Variants in RAB19 observed in about 807,000 individuals in gnomAD.
RAB19 encodes ras-related protein Rab-19.
RAB19 carries 21 observed loss-of-function variants against 17.3 expected under a neutral mutation model. The ratio of observed to expected loss-of-function variants is 1.21; its 90% CI spans 0.86 to 1.74. The LOEUF is 1.74. RAB19 is among the 40% of genes most tolerant of loss of function. RAB19 has a pLI of 0.00. For missense variants in RAB19, 277 were observed against 286.8 expected, an observed-to-expected ratio of 0.97 and a Z score of 0.25; for synonymous variants, 126 against 110.4, an observed-to-expected ratio of 1.14 and a Z score of -0.88.
At chr7:140,409,467 G>C (rs561108836) in intron 2 of RAB19, among the ~76,000 whole-genome samples, 1 of 152,154 alleles carries the variant, frequency 6.6e-6, no homozygotes, top group South Asian at 2.1e-4. Context: ...GGCCGAGGCA[G>C]GCGGATCACC....
rs146818503 is a variant in RAB19 at position 140,427,905 on chromosome 7, A to AC, written c.*1758dup. On this transcript the variant is annotated 3_prime_UTR_variant, in exon 4 of 4. Transcript: ENST00000537763. ...ATGCCTGGCACAATTTCTTTCTAGA[A>AC]CCCAAATCATCTGCCAGATCAGAAG... Among the ~76,000 whole-genome samples the AC allele has an allele frequency of 0.021, 3,171 of 152,166 alleles. 103 individuals carry two copies. The highest frequency in any genetic ancestry group is 0.072 in the African/African-American group (2,985 of 41,502).
At chr7:140,405,369 T>C (rs1241258685) in intron 1 of RAB19, among the ~76,000 whole-genome samples, 3 of 151,982 alleles carry the variant, frequency 2.0e-5, no homozygotes, top group Non-Finnish European at 1.5e-5. Context: ...TACAGGTGCA[T>C]GCCACCACGC....
chr7:140,424,615 CTCTCTATATATA>C (rs1238640989), intron 3 of RAB19, among the ~76,000 whole-genome samples: 2 of 72,456 alleles, frequency 2.8e-5, no homozygotes, highest in East Asian at 9.4e-4. Flanking sequence ...CTCTCTCTCT[CTCTCTATATATA>C]TATATATATA....
In RAB19 at chr7:140,426,123, A is replaced by T. The variant is rs748779977; in HGVS notation, c.627A>T (p.Pro209=). The T allele has an allele frequency of 6.2e-7, 1 of 1,613,982 alleles. No individual in the cohort carries two copies. Among genetic ancestry groups the T allele is most frequent in the Non-Finnish European group, 8.5e-7 (1 of 1,179,954 alleles). Residue 209 remains proline, a synonymous_variant, in exon 4 of 4, where the codon CCA becomes CCT. Coordinates refer to ENST00000537763, the MANE Select transcript of RAB19 (RefSeq NM_001008749.3). ...GCCCCGTTCTTATGGCCCAGGGTCC[A>T]AGTGAAAAGACCCACTGCACTTGCT... ...DSSPVLMAQG[P]SEKTHCTC
chr7:140,418,396 CAA>C (rs140238398), intron 3 of RAB19, among the ~76,000 whole-genome samples: 102 of 70,350 alleles, frequency 1.4e-3, no homozygotes, highest in African/African-American at 3.3e-3. Context: ...TGCTAAAATA[CAA>C]AAAAAAAAAA....
At position 140,427,956 on chromosome 7, in the gene RAB19, G is replaced by A. The variant is rs1428993317; in HGVS notation, c.*1806G>A. On this transcript the variant is annotated 3_prime_UTR_variant, in exon 4 of 4. Coordinates refer to ENST00000537763, the MANE Select transcript of RAB19 (RefSeq NM_001008749.3). ...TCATTTTTAAATTAAAATTAAATTG[G>A]TTCATAGATGAATATCAAGCCAGTG... Among the ~76,000 whole-genome samples the A allele has an allele frequency of 1.3e-5, 2 of 152,068 alleles. No individual in the cohort carries two copies. The highest frequency in any genetic ancestry group is 2.4e-5 in the African/African-American group (1 of 41,406).
At chr7:140,410,316 T>TTTC (rs1799332691) in intron 2 of RAB19, among the ~76,000 whole-genome samples, 1 of 117,280 alleles carries the variant, frequency 8.5e-6, no homozygotes, top group Non-Finnish European at 1.8e-5. Context: ...TATTTTTCTT[T>TTTC]TTTTTTTTTT....
At chr7:140,413,480 G>A (rs1450153434) in intron 3 of RAB19, among the ~76,000 whole-genome samples, 1 of 152,058 alleles carries the variant, frequency 6.6e-6, no homozygotes, top group African/African-American at 2.4e-5. Flanking sequence ...AAGCTGAGGC[G>A]GGAGGATAGC....
intron 2 of RAB19, 40 bp downstream of exon 2, chr7:140,407,887 T>A: frequency 3.5e-6 from 3 of 846,664 alleles, no homozygotes; most frequent in South Asian, 1.7e-5. Context: ...CACCTTTTTT[T>A]TTTTTTTTTT....
intron 3 of RAB19, among the ~76,000 whole-genome samples, chr7:140,420,026 T>C (rs1476569279): frequency 2.8e-4 from 43 of 152,172 alleles, no homozygotes; most frequent in Admixed American, 2.8e-3. Flanking sequence ...CTTCTGAAAA[T>C]GAGTCTGTGT....
intron 2 of RAB19, among the ~76,000 whole-genome samples, chr7:140,408,480 G>A (rs1260719879): frequency 6.6e-6 from 1 of 151,524 alleles, no homozygotes; most frequent in Non-Finnish European, 1.5e-5. Flanking sequence ...TTTTGTTTTT[G>A]TTTTTGTTTT....
At chr7:140,405,887 T>C (rs910848061) in intron 1 of RAB19, among the ~76,000 whole-genome samples, 1 of 152,302 alleles carries the variant, frequency 6.6e-6, no homozygotes, top group Non-Finnish European at 1.5e-5. Context: ...AATATATTTT[T>C]TCAATGATAT....
At chr7:140,421,692 G>A (rs961676944) in intron 3 of RAB19, among the ~76,000 whole-genome samples, 4 of 152,040 alleles carry the variant, frequency 2.6e-5, no homozygotes, top group African/African-American at 9.7e-5. Context: ...TAGAGATGGG[G>A]TCTTGCTGTA....
chr7:140,423,282 A>G (rs1460235554), intron 3 of RAB19, among the ~76,000 whole-genome samples: 1 of 152,056 alleles, frequency 6.6e-6, no homozygotes, highest in African/African-American at 2.4e-5. Context: ...TCTACTAAAA[A>G]TACAAAAATT....
At chr7:140,425,026 T>C (rs10244642) in intron 3 of RAB19, among the ~76,000 whole-genome samples, 28,443 of 152,020 alleles carry the variant, frequency 0.19, 3,754 homozygotes, top group African/African-American at 0.38. Flanking sequence ...TGGTTCATGC[T>C]TACAATCCCA....
At chr7:140,419,255 A>T (rs936086739) in intron 3 of RAB19, among the ~76,000 whole-genome samples, 20 of 152,030 alleles carry the variant, frequency 1.3e-4, no homozygotes, top group African/African-American at 4.8e-4. Flanking sequence ...TTTTTAGTAC[A>T]GATGCGTTTT....
chr7:140,412,812 A>G (rs1018992722), intron 3 of RAB19, among the ~76,000 whole-genome samples: 6 of 151,598 alleles, frequency 4.0e-5, no homozygotes, highest in Non-Finnish European at 8.8e-5. Flanking sequence ...CTAAGTGTTT[A>G]CCAATAATTT....
intron 3 of RAB19, among the ~76,000 whole-genome samples, chr7:140,423,599 G>A (rs1260258293): frequency 6.6e-6 from 1 of 152,132 alleles, no homozygotes; most frequent in Non-Finnish European, 1.5e-5. Flanking sequence ...AATCTCAAAA[G>A]GTTACATATA....
intron 2 of RAB19, among the ~76,000 whole-genome samples, chr7:140,409,053 C>G (rs1252669951): frequency 6.6e-6 from 1 of 151,512 alleles, no homozygotes; most frequent in Non-Finnish European, 1.5e-5. Flanking sequence ...AGCCACCAAA[C>G]CTGGCCTTAA....
Sources: allele counts gnomAD v4.1 joint callset (sites outside exome capture counted in the v4.1 genomes callset), GRCh38; gene constraint gnomAD v4.1.1; transcripts MANE v1.5; gene names NCBI Gene and HGNC (gene_info 2026-07-23, HGNC 2026-07-21).